The following BBS9 variants were observed in gnomAD, a reference collection of about 807,000 sequenced individuals.
BBS9 encodes Bardet-Biedl syndrome 9, also known as protein PTHB1.
In BBS9, 89 loss-of-function variants were observed where a neutral mutation model predicts 117.7. The ratio of observed to expected loss-of-function variants is 0.76; its 90% CI spans 0.64 to 0.90. BBS9 has a LOEUF of 0.90. Ranked by LOEUF, BBS9 falls within the 40% of genes least tolerant of loss-of-function variation. The pLI is 0.00. For synonymous variants in BBS9, 379 were observed against 370.9 expected (o/e 1.02, Z -0.25); for missense variants, 982 against 1,042.2 (o/e 0.94, Z 0.80).
intron 21 of BBS9, among the ~76,000 whole-genome samples, chr7:33,634,884 A>C (rs766315183): frequency 3.9e-5 from 6 of 152,214 alleles, no homozygotes; most frequent in Non-Finnish European, 8.8e-5. Flanking sequence ...CCACAGGCTT[A>C]GTCCGGAGTG....
chr7:33,621,364 T>C (rs1032103820), intron 21 of BBS9, among the ~76,000 whole-genome samples: 2 of 152,104 alleles, frequency 1.3e-5, no homozygotes, highest in Non-Finnish European at 1.5e-5. Context: ...AAGAATCTGA[T>C]TGAAAAATGG....
intron 2 of BBS9, among the ~76,000 whole-genome samples, chr7:33,150,165 T>C (rs1793082472): frequency 6.6e-6 from 1 of 152,226 alleles, no homozygotes; most frequent in African/African-American, 2.4e-5. Context: ...AATGAGCTTC[T>C]CAGTGATTAA....
intron 19 of BBS9, among the ~76,000 whole-genome samples, chr7:33,504,203 C>A (rs753309874): frequency 2.0e-5 from 3 of 152,164 alleles, no homozygotes; most frequent in Admixed American, 6.5e-5. Flanking sequence ...AACTTCCATG[C>A]CTCCCTGTAG....
Position 33,299,156 on chromosome 7 carries a change from T to G in BBS9, c.1016+25200T>G, listed in dbSNP as rs183176598. Among the ~76,000 whole-genome samples the G allele has an allele frequency of 6.6e-5, 10 of 152,336 alleles. No individual in the cohort carries two copies. In the East Asian group the frequency reaches 7.7e-4, roughly 12 times the overall value. On this transcript the variant is annotated intron_variant, in intron 9 of 22. Transcript: ENST00000242067. The stretch of plus-strand genomic sequence containing the variant: ...ATGCTTCAGCATTGCTGGCTGTATT[T>G]GGTCTTTTTATTCACAATTGCATGC...
intron 21 of BBS9, among the ~76,000 whole-genome samples, chr7:33,627,578 G>A (rs1430910311): frequency 6.6e-6 from 1 of 152,216 alleles, no homozygotes; most frequent in Non-Finnish European, 1.5e-5. Context: ...TCCAGCCCGT[G>A]AAAGCAGCCA....
intron 18 of BBS9, among the ~76,000 whole-genome samples, chr7:33,384,803 T>C (rs1825730797): frequency 6.6e-6 from 1 of 152,122 alleles, no homozygotes; most frequent in African/African-American, 2.4e-5. Flanking sequence ...GACTTTCAGC[T>C]ATGAAGACTT....
intron 15 of BBS9, among the ~76,000 whole-genome samples, chr7:33,353,262 C>G (rs1011804194): frequency 3.9e-5 from 6 of 152,112 alleles, no homozygotes; most frequent in African/African-American, 1.4e-4. Context: ...TTGTGTTTTT[C>G]TACATCCTCC....
At chr7:33,224,935 GTTATA>G (rs1165532102) in intron 5 of BBS9, among the ~76,000 whole-genome samples, 1 of 152,106 alleles carries the variant, frequency 6.6e-6, no homozygotes, top group Non-Finnish European at 1.5e-5. Flanking sequence ...GATTAAAATG[GTTATA>G]TTATAATTTT....
At chr7:33,616,636 C>A (rs1446972359) in intron 21 of BBS9, among the ~76,000 whole-genome samples, 1 of 150,880 alleles carries the variant, frequency 6.6e-6, no homozygotes, top group African/African-American at 2.4e-5. Context: ...AAAACAGTAA[C>A]AAATATGATA....
intron 21 of BBS9, among the ~76,000 whole-genome samples, chr7:33,596,943 C>G (rs1862914731): frequency 6.6e-6 from 1 of 152,006 alleles, no homozygotes; most frequent in African/African-American, 2.4e-5. Context: ...CTTACATTCT[C>G]CTTGGGCTAG....
At chr7:33,188,153 G>C (rs972221887) in intron 5 of BBS9, among the ~76,000 whole-genome samples, 1 of 146,388 alleles carries the variant, frequency 6.8e-6, no homozygotes, top group African/African-American at 2.5e-5. Context: ...GGGCGGGGGC[G>C]AGGGGAGTAA....
chr7:33,236,560 C>T (rs1793551787), intron 5 of BBS9, among the ~76,000 whole-genome samples: 1 of 151,744 alleles, frequency 6.6e-6, no homozygotes, highest in Non-Finnish European at 1.5e-5. Flanking sequence ...TATAAATCTA[C>T]CTCATCATTT....
intron 9 of BBS9, among the ~76,000 whole-genome samples, chr7:33,280,911 G>GTTTTTTTTTTTTT (rs150736523): frequency 6.3e-5 from 5 of 79,392 alleles, no homozygotes; most frequent in African/African-American, 1.8e-4. Context: ...TGTCGTTTTT[G>GTTTTTTTTTTTTT]TTTTTTTTTT....
chr7:33,351,131 A>G, intron 13 of BBS9, 88 bp from the exon 14 acceptor site: 1 of 807,946 alleles, frequency 1.2e-6, no homozygotes, highest in Non-Finnish European at 2.2e-6. Context: ...AGTACCTGGC[A>G]TGTGGTGAGT....
intron 16 of BBS9, among the ~76,000 whole-genome samples, chr7:33,364,433 C>T (rs1042043136): frequency 1.3e-5 from 2 of 151,996 alleles, no homozygotes; most frequent in Admixed American, 1.3e-4. Flanking sequence ...ATACTTCTCT[C>T]CAGATTTGGA....
intron 5 of BBS9, among the ~76,000 whole-genome samples, chr7:33,251,037 G>T (rs1415660581): frequency 6.6e-6 from 1 of 152,150 alleles, no homozygotes; most frequent in Non-Finnish European, 1.5e-5. Context: ...GTCTTAGCTT[G>T]TGATGTCTCT....
At chr7:33,520,316 A>G (rs547247998) in intron 20 of BBS9, among the ~76,000 whole-genome samples, 1 of 152,206 alleles carries the variant, frequency 6.6e-6, no homozygotes, top group Admixed American at 6.6e-5. Context: ...CCGGCCCCAA[A>G]ATAGTTTTTA....
intron 9 of BBS9, among the ~76,000 whole-genome samples, chr7:33,291,652 T>G (rs1480987084): frequency 1.3e-5 from 2 of 152,198 alleles, no homozygotes; most frequent in African/African-American, 4.8e-5. Flanking sequence ...AACCTCCAAG[T>G]GATGCTCAGA....
chr7:33,453,765 C>T (rs970730247), intron 19 of BBS9, among the ~76,000 whole-genome samples: 4 of 152,192 alleles, frequency 2.6e-5, no homozygotes, highest in African/African-American at 9.6e-5. Context: ...GGTGATCTGC[C>T]TGCCTCGGCC....
Sources: gnomAD v4.1 joint callset for allele counts (sites outside exome capture counted in the v4.1 genomes callset) on GRCh38, gnomAD v4.1.1 for gene constraint, MANE v1.5 for transcripts, NCBI Gene and HGNC (gene_info 2026-07-23, HGNC 2026-07-21) for gene names.